R3HDM1: variants seen among roughly 807,000 people sequenced by gnomAD.
R3HDM1 encodes R3H domain-containing protein 1.
Under a neutral mutation model 141.1 loss-of-function variants are expected in R3HDM1, and 46 were observed. The observed-to-expected ratio is 0.33, with a 90% CI of 0.26 to 0.42. The LOEUF (loss-of-function observed/expected upper bound fraction) is 0.42, where lower values mean the gene tolerates loss of function less well. Ranked by LOEUF, R3HDM1 falls within the 10% of genes least tolerant of loss-of-function variation. The probability of loss-of-function intolerance (pLI) is 1.00; values close to 1 mark genes in which losing one functional copy is unlikely to be tolerated. For synonymous variants in R3HDM1, 435 were observed against 472.9 expected, an observed-to-expected ratio of 0.92 and a Z score of 1.04; for missense variants, 1,184 against 1,368.3, an observed-to-expected ratio of 0.87 and a Z score of 2.12.
chr2:135,647,177 C>G (rs1335354492), intron 16 of R3HDM1, among the ~76,000 whole-genome samples: 2 of 152,146 alleles, frequency 1.3e-5, no homozygotes, highest in Non-Finnish European at 2.9e-5. Flanking sequence ...CCACAGACTC[C>G]CATATTCCCT....
At chr2:135,601,570 C>A (rs1186995899) in intron 1 of R3HDM1, among the ~76,000 whole-genome samples, 1 of 152,106 alleles carries the variant, frequency 6.6e-6, no homozygotes, top group East Asian at 1.9e-4. Flanking sequence ...GGTAAATAAT[C>A]TTTTTAGAGT....
rs182409818 is a variant in R3HDM1, at chr2:135,639,033, C to T, written c.1130C>T (p.Thr377Ile). ...CTTCGAAACCTGAAACCTGCTGTAACCAAAGCCAGCAGCTTCAGTGGAATC... is the reference window on the plus strand; with the variant it reads ...CTTCGAAACCTGAAACCTGCTGTAATCAAAGCCAGCAGCTTCAGTGGAATC... ...SSLRNLKPAVTKASSFSGISV... is the reference protein window; with the variant it reads ...SSLRNLKPAVIKASSFSGISV... Residue 377 changes from threonine to isoleucine, a missense_variant, in exon 14 of 27, where the codon ACC (threonine) becomes ATC (isoleucine). Around this residue, in one of 5 missense-constraint regions of R3HDM1, gnomAD observed 240 missense variants for 312.3 expected, o/e 0.77. Coordinates refer to ENST00000683871, the MANE Select transcript of R3HDM1 (RefSeq NM_001378107.1). The T allele has an allele frequency of 1.2e-6, 2 of 1,614,102 alleles. No individual in the cohort carries two copies. Among genetic ancestry groups the T allele is most frequent in the African/African-American group, 2.7e-5 (2 of 75,024 alleles).
intron 1 of R3HDM1, chr2:135,543,112 G>C (rs561759063): frequency 1.0e-6 from 1 of 982,614 alleles, no homozygotes; most frequent in South Asian, 4.7e-5. Context: ...GGAGGATACA[G>C]TCTCTGTAAT....
chr2:135,667,308 T>C, intron 19 of R3HDM1: 1 of 803,114 alleles, frequency 1.2e-6, no homozygotes, highest in Non-Finnish European at 1.5e-6. Context: ...CTTGCAGAAT[T>C]GATTGTGCTT....
intron 1 of R3HDM1, among the ~76,000 whole-genome samples, chr2:135,592,414 G>T (rs1055412909): frequency 6.6e-6 from 1 of 152,148 alleles, no homozygotes; most frequent in Non-Finnish European, 1.5e-5. Flanking sequence ...AGATAACTCC[G>T]AGGTCAAGAC....
At chr2:135,531,739 G>A (rs1490130955) in intron 1 of R3HDM1, 106 bp downstream of exon 1, 10 of 985,932 alleles carry the variant, frequency 1.0e-5, no homozygotes, top group Non-Finnish European at 1.2e-5. Context: ...GAGGCAGGCA[G>A]GGGAGAGATG....
chr2:135,579,531 A>G (rs371475800), intron 1 of R3HDM1, among the ~76,000 whole-genome samples: 7 of 150,274 alleles, frequency 4.7e-5, no homozygotes, highest in East Asian at 2.0e-4. Flanking sequence ...GATATTTTCA[A>G]GGTCACAAAA....
chr2:135,681,637 A>G (rs896243935), intron 21 of R3HDM1, among the ~76,000 whole-genome samples: 8 of 152,302 alleles, frequency 5.3e-5, no homozygotes, highest in African/African-American at 1.9e-4. Context: ...ACGTGTGTGC[A>G]GAAAATGGCG....
chr2:135,666,347 A>G (rs1348814145), intron 19 of R3HDM1, among the ~76,000 whole-genome samples: 1 of 152,222 alleles, frequency 6.6e-6, no homozygotes, highest in Non-Finnish European at 1.5e-5. Flanking sequence ...ACAACTTTCA[A>G]TCCAAGTAAT....
chr2:135,623,987 A>G (rs1396854442), intron 7 of R3HDM1, among the ~76,000 whole-genome samples: 1 of 152,218 alleles, frequency 6.6e-6, no homozygotes, highest in Admixed American at 6.5e-5. Context: ...CTGTCTATAC[A>G]GAGAGACATG....
Position 135,645,536 on chromosome 2 carries a change from A to G in R3HDM1, c.1623+9A>G. On this transcript the variant is annotated intron_variant, in intron 16 of 26. Transcript: ENST00000683871. Reference sequence around the variant, plus strand: ...ATCACATTTTCTCACAGGTGCACATATCCATGATTACATAATGCTAAGTTG... The same window carrying G: ...ATCACATTTTCTCACAGGTGCACATGTCCATGATTACATAATGCTAAGTTG... 1 of 1,612,514 alleles carries G rather than the reference A, an allele frequency of 6.2e-7. No individual in the cohort carries two copies. The highest frequency in any genetic ancestry group is 8.5e-7 in the Non-Finnish European group (1 of 1,179,326).
intron 5 of R3HDM1, among the ~76,000 whole-genome samples, chr2:135,618,874 G>A (rs2105168144): frequency 6.6e-6 from 1 of 152,154 alleles, no homozygotes; most frequent in South Asian, 2.1e-4. Context: ...ACAAAAATTA[G>A]GCAGGTGTGG....
intron 1 of R3HDM1, chr2:135,586,249 T>C (rs1380813021): frequency 6.6e-6 from 1 of 152,456 alleles, no homozygotes; most frequent in Admixed American, 6.5e-5. Context: ...TAGCTTCTGA[T>C]GCATTTCAGA....
intron 1 of R3HDM1, chr2:135,568,903 A>T (rs1472430953): frequency 6.6e-6 from 1 of 152,192 alleles, no homozygotes; most frequent in Non-Finnish European, 1.5e-5. Flanking sequence ...AGGACAGCGA[A>T]GGGAAGACTT....
intron 21 of R3HDM1, among the ~76,000 whole-genome samples, chr2:135,683,018 T>G (rs1559425681): frequency 1.3e-5 from 2 of 151,582 alleles, no homozygotes; most frequent in Non-Finnish European, 2.9e-5. Flanking sequence ...ATAAAAAAAG[T>G]CTTTGGAATT....
chr2:135,718,948 C>G (rs1163928888), intron 24 of R3HDM1, among the ~76,000 whole-genome samples: 1 of 151,948 alleles, frequency 6.6e-6, no homozygotes, highest in Non-Finnish European at 1.5e-5. Context: ...GAGTTTGAGA[C>G]CAGCCTGAAA....
intron 21 of R3HDM1, among the ~76,000 whole-genome samples, chr2:135,682,172 T>G (rs1260168549): frequency 6.6e-6 from 1 of 151,292 alleles, no homozygotes; most frequent in Non-Finnish European, 1.5e-5. Context: ...ATCTACTTTT[T>G]GAACCAAAGT....
At chr2:135,623,568 A>G (rs2061703059) in intron 7 of R3HDM1, among the ~76,000 whole-genome samples, 1 of 152,230 alleles carries the variant, frequency 6.6e-6, no homozygotes, top group Admixed American at 6.5e-5. Flanking sequence ...GAGAATTACC[A>G]AAATGAAGTG....
intron 20 of R3HDM1, among the ~76,000 whole-genome samples, chr2:135,679,095 T>A (rs972955001): frequency 1.1e-4 from 11 of 99,954 alleles, no homozygotes; most frequent in East Asian, 4.0e-4. Flanking sequence ...TTTTTTTTTT[T>A]AAATAAAGAT....
Sources: allele counts gnomAD v4.1 joint callset (sites outside exome capture counted in the v4.1 genomes callset), GRCh38; gene constraint gnomAD v4.1.1; regional missense constraint gnomAD v4.1.1; transcripts MANE v1.5; gene names NCBI Gene and HGNC (gene_info 2026-07-23, HGNC 2026-07-21).